LNPK: variants seen among roughly 807,000 people sequenced by gnomAD.
LNPK encodes lunapark, ER junction formation factor.
Under a neutral mutation model 55.2 loss-of-function variants are expected in LNPK, and 29 were observed. The observed-to-expected ratio is 0.53, with a 90% CI of 0.39 to 0.72. The LOEUF (loss-of-function observed/expected upper bound fraction) is 0.72. Among genes scored for constraint, LNPK ranks in the 30% least tolerant of loss-of-function variants. LNPK has a pLI of 0.00. For synonymous variants in LNPK, 162 were observed against 168.2 expected (o/e 0.96, Z 0.29); for missense variants, 467 against 494.8 (o/e 0.94, Z 0.53).
chr2:175,989,360 A>G (rs1687582250), intron 4 of LNPK, among the ~76,000 whole-genome samples: 1 of 152,206 alleles, frequency 6.6e-6, no homozygotes, highest in Non-Finnish European at 1.5e-5. Context: ...AGGCAAAAAC[A>G]AATAAAAAAA....
At chr2:175,950,157 T>TGACCC (rs1260980191) in intron 8 of LNPK, among the ~76,000 whole-genome samples, 1 of 152,030 alleles carries the variant, frequency 6.6e-6, no homozygotes, top group African/African-American at 2.4e-5. Flanking sequence ...CAATGATCAA[T>TGACCC]GACCCAACAA....
chr2:175,947,202 T>C (rs1227059082), intron 9 of LNPK, among the ~76,000 whole-genome samples: 1 of 152,208 alleles, frequency 6.6e-6, no homozygotes, highest in Non-Finnish European at 1.5e-5. Flanking sequence ...TATAAAAAGA[T>C]ATGCTGTACT....
chr2:175,975,748 T>C (rs1219908959), intron 5 of LNPK, among the ~76,000 whole-genome samples: 2 of 152,216 alleles, frequency 1.3e-5, no homozygotes, highest in Non-Finnish European at 2.9e-5. Context: ...CAGTGGCCCA[T>C]GCCTGTAATC....
chr2:175,983,619 A>G (rs1298285451), intron 4 of LNPK, among the ~76,000 whole-genome samples: 1 of 152,220 alleles, frequency 6.6e-6, no homozygotes, highest in East Asian at 1.9e-4. Flanking sequence ...AACACCAGAC[A>G]AAACCCAACT....
At chr2:175,978,948 G>A (rs1425978065) in intron 5 of LNPK, among the ~76,000 whole-genome samples, 1 of 152,084 alleles carries the variant, frequency 6.6e-6, no homozygotes. Flanking sequence ...GAGGTTGTGA[G>A]TGAGGAGGGC....
intron 8 of LNPK, among the ~76,000 whole-genome samples, chr2:175,954,443 C>T (rs1363216653): frequency 6.6e-6 from 1 of 152,150 alleles, no homozygotes; most frequent in Non-Finnish European, 1.5e-5. Flanking sequence ...TGCTAATCAG[C>T]CTGCTGCATT....
At chr2:175,946,112 GT>G (rs1347402710) in intron 9 of LNPK, among the ~76,000 whole-genome samples, 1 of 152,056 alleles carries the variant, frequency 6.6e-6, no homozygotes, top group African/African-American at 2.4e-5. Flanking sequence ...AGTAAAACAT[GT>G]TATATTTACA....
chr2:175,939,879 CT>C, intron 9 of LNPK: 1 of 368,888 alleles, frequency 2.7e-6, no homozygotes, highest in Non-Finnish European at 4.8e-6. Context: ...ACTACCTTTG[CT>C]AGTAGATTCT....
chr2:175,995,675 TAA>T (rs1227505859), intron 1 of LNPK, 29 bp from the exon 2 acceptor site: 5 of 1,094,188 alleles, frequency 4.6e-6, no homozygotes, highest in Non-Finnish European at 7.0e-6. Flanking sequence ...TTTAAAATGT[TAA>T]GTTAAACACA....
chr2:175,928,821 A>G lies in LNPK; in HGVS notation c.*1146T>C, dbSNP rs1684137332. On this transcript the variant is annotated 3_prime_UTR_variant, in exon 13 of 13. Coordinates refer to ENST00000272748, the MANE Select transcript of LNPK (RefSeq NM_030650.3). ...CTTAATACAAATATTAAATCCAATT[A>G]ACTACCAGCAACCCACTACCTATTC... The G allele has an allele frequency of 2.0e-5, 3 of 152,256 alleles. No homozygotes were observed. In the South Asian group the frequency reaches 6.2e-4, roughly 31 times the overall value. The allele number at this position is 152,256 out of a possible 1,614,324, so 9.4% of individuals were successfully genotyped here.
intron 8 of LNPK, among the ~76,000 whole-genome samples, chr2:175,954,052 T>C (rs899580794): frequency 6.6e-6 from 1 of 152,170 alleles, no homozygotes; most frequent in Admixed American, 6.6e-5. Context: ...GAAGAGTACT[T>C]TTTCAATCCT....
intron 8 of LNPK, among the ~76,000 whole-genome samples, chr2:175,952,451 C>T (rs963630350): frequency 4.0e-5 from 6 of 151,774 alleles, no homozygotes; most frequent in Admixed American, 2.0e-4. Flanking sequence ...TATTTTTTAA[C>T]TTATTTGAAT....
At position 175,924,600 on chromosome 2, in the gene LNPK, G is replaced by T. The variant is rs1574784137; in HGVS notation, c.*5367C>A. ...AGATCTAAGTTCTGGCTTGGCTCAG[G>T]TGCCTGCTATCCCTATGACCCTGTG... On this transcript the variant is annotated 3_prime_UTR_variant, in exon 13 of 13. Coordinates refer to ENST00000272748, the MANE Select transcript of LNPK (RefSeq NM_030650.3). The T allele has an allele frequency of 1.3e-5, 2 of 151,500 alleles. No homozygotes were observed. Among genetic ancestry groups the T allele is most frequent in the African/African-American group, 4.9e-5 (2 of 41,150 alleles). The allele number at this position is 151,500 out of a possible 1,614,324, so 9.4% of individuals were successfully genotyped here.
chr2:175,968,921 G>A (rs1370878381), intron 6 of LNPK, among the ~76,000 whole-genome samples: 1 of 152,040 alleles, frequency 6.6e-6, no homozygotes. Context: ...GGGAGGCTGA[G>A]GCAGGAGAAT....
In LNPK at chr2:175,938,643, T is replaced by A. The variant is rs1023230541; in HGVS notation, c.813-260A>T. The A allele has an allele frequency of 1.2e-5, 3 of 247,096 alleles. No homozygotes were observed. The Admixed American group carries it at 1.6e-4, about 13-fold the overall frequency. 15.3% of individuals were successfully genotyped at this position (247,096 alleles called of 1,614,324 possible). On this transcript the variant is annotated intron_variant, in intron 10 of 12. Coordinates refer to ENST00000272748, the MANE Select transcript of LNPK (RefSeq NM_030650.3). The stretch of plus-strand genomic sequence containing the variant: ...TAACAGTTAAATGAATATATCTTTA[T>A]TAAATTAGCAGAAACATATTTGACA...
chr2:175,996,494 T>C (rs1229354586), intron 1 of LNPK, among the ~76,000 whole-genome samples: 1 of 152,206 alleles, frequency 6.6e-6, no homozygotes, highest in Non-Finnish European at 1.5e-5. Flanking sequence ...TAAGCCTTAA[T>C]TTTCTTTTCT....
At chr2:175,947,858 T>A (rs1685223040) in intron 8 of LNPK, among the ~76,000 whole-genome samples, 166 bp from the exon 9 acceptor site, 1 of 152,206 alleles carries the variant, frequency 6.6e-6, no homozygotes, top group Non-Finnish European at 1.5e-5. Flanking sequence ...CAAAGTACTC[T>A]ATTTCTGAAC....
At position 175,937,454 on chromosome 2, in the gene LNPK, G is replaced by A; in HGVS notation, c.944C>T (p.Pro315Leu). ...CTCAAAACTAAACTCAGGAAGTCTT[G>A]GAGCCTGAGGTCTGGTTTTTCTTGC... The part of the protein sequence containing the change: ...NPARKTRPQA[P>L]RLPEFSFEKR... Residue 315 changes from proline (P) to leucine (L), a missense_variant, in exon 12 of 13, where the codon CCA becomes CTA. By Grantham distance (98) the Pro-to-Leu change is moderately conservative (BLOSUM62 -3). Coordinates refer to ENST00000272748, the MANE Select transcript of LNPK (RefSeq NM_030650.3). 1 of 1,613,508 alleles carries A rather than the reference G, an allele frequency of 6.2e-7. No homozygotes were observed. The highest frequency in any genetic ancestry group is 8.5e-7 in the Non-Finnish European group (1 of 1,179,612).
At chr2:175,964,684 T>G (rs1686240341) in intron 6 of LNPK, 95 bp from the exon 7 acceptor site, 2 of 694,462 alleles carry the variant, frequency 2.9e-6, no homozygotes, top group African/African-American at 3.6e-5. Context: ...ATCCTTAATA[T>G]ATCCAAATAG....
Sources: allele counts gnomAD v4.1 joint callset (sites outside exome capture counted in the v4.1 genomes callset), GRCh38; gene constraint gnomAD v4.1.1; transcripts MANE v1.5; gene names NCBI Gene and HGNC (gene_info 2026-07-23, HGNC 2026-07-21).